FILIP1: variants seen among roughly 807,000 people sequenced by gnomAD.
FILIP1 encodes filamin-A-interacting protein 1.
FILIP1 carries 61 observed loss-of-function variants against 102.1 expected under a neutral mutation model. The observed-to-expected ratio is 0.60, with a 90% CI of 0.49 to 0.74. The LOEUF (loss-of-function observed/expected upper bound fraction) is 0.74, where lower values mean the gene tolerates loss of function less well. Ranked by LOEUF, FILIP1 falls within the 30% of genes least tolerant of loss-of-function variation. The pLI, the probability that FILIP1 is intolerant of heterozygous loss-of-function variation, is 0.00. For missense variants in FILIP1, 1,314 were observed against 1,441.2 expected (o/e 0.91, Z 1.43); for synonymous variants, 491 against 526.9 (o/e 0.93, Z 0.93).
chr6:75,369,979 C>G (rs1393184405), intron 2 of FILIP1, among the ~76,000 whole-genome samples: 2 of 152,212 alleles, frequency 1.3e-5, no homozygotes. Context: ...TGACACCACA[C>G]ACTTTAAAGA....
intron 2 of FILIP1, chr6:75,386,075 C>T (rs1167336641): frequency 6.6e-6 from 1 of 152,180 alleles, no homozygotes; most frequent in African/African-American, 2.4e-5. Context: ...CAAGTTCTCC[C>T]TAGCTTGTTT....
At chr6:75,337,796 G>C (rs1774292428) in intron 4 of FILIP1, among the ~76,000 whole-genome samples, 1 of 152,176 alleles carries the variant, frequency 6.6e-6, no homozygotes, top group African/African-American at 2.4e-5. Context: ...CTTACCGTAT[G>C]TTACAGATTC....
chr6:75,347,367 T>G (rs1312972324), intron 4 of FILIP1, among the ~76,000 whole-genome samples: 1 of 152,258 alleles, frequency 6.6e-6, no homozygotes, highest in Non-Finnish European at 1.5e-5. Flanking sequence ...AAGTTAACTT[T>G]GCTTTTGAAC....
chr6:75,388,519 A>T (rs969914862), intron 2 of FILIP1, among the ~76,000 whole-genome samples: 1 of 152,174 alleles, frequency 6.6e-6, no homozygotes, highest in African/African-American at 2.4e-5. Context: ...TGAGCATGGA[A>T]TGTTTTTCCA....
intron 3 of FILIP1, among the ~76,000 whole-genome samples, chr6:75,359,101 G>A (rs1285634892): frequency 1.3e-5 from 2 of 152,086 alleles, no homozygotes; most frequent in African/African-American, 4.8e-5. Flanking sequence ...GGCCTCCCAG[G>A]TTCAAGTGAT....
intron 2 of FILIP1, among the ~76,000 whole-genome samples, chr6:75,369,403 C>G (rs554852777): frequency 6.6e-6 from 1 of 152,178 alleles, no homozygotes; most frequent in Non-Finnish European, 1.5e-5. Flanking sequence ...ACTGGATATT[C>G]CATAATATTC....
chr6:75,441,340 T>A (rs1054259431), intron 1 of FILIP1, among the ~76,000 whole-genome samples: 2 of 152,204 alleles, frequency 1.3e-5, no homozygotes, highest in Non-Finnish European at 2.9e-5. Flanking sequence ...AAAAGAATTT[T>A]TCTTAGTACA....
chr6:75,312,402 A>C lies in FILIP1; in HGVS notation c.3430T>G (p.Ser1144Ala). 6.2e-7 allele frequency: 1 copy of C among 1,612,810 alleles called. No individual in the cohort carries two copies. The highest frequency in any genetic ancestry group is 8.5e-7 in the Non-Finnish European group (1 of 1,179,312). Reference sequence around the variant, plus strand: ...TTGGAGCCTCTTCTACTCACCACTGACTGGGTTCCTCGAGCAGATGACGTT... The same window carrying C: ...TTGGAGCCTCTTCTACTCACCACTGCCTGGGTTCCTCGAGCAGATGACGTT... ...VTTSSARGTQ[S>A]VSGQDGSSQR... Residue 1144 changes from serine (S) to alanine (A), a missense_variant, in exon 5 of 6, where the codon TCA (serine) becomes GCA (alanine). This residue lies in a region of FILIP1 where 816 missense variants were observed against 913.1 expected (regional missense o/e 0.89). Transcript: ENST00000237172.
At chr6:75,368,160 A>G (rs1775401658) in intron 2 of FILIP1, among the ~76,000 whole-genome samples, 1 of 152,106 alleles carries the variant, frequency 6.6e-6, no homozygotes, top group East Asian at 1.9e-4. Flanking sequence ...GGAGGCCAAG[A>G]ACAAGGATGT....
At chr6:75,427,795 T>G (rs1030167111) in intron 1 of FILIP1, among the ~76,000 whole-genome samples, 1 of 152,170 alleles carries the variant, frequency 6.6e-6, no homozygotes, top group Admixed American at 6.5e-5. Context: ...AGCCCAAACA[T>G]GACCCCTCAT....
At chr6:75,411,053 C>T (rs1777051713) in intron 2 of FILIP1, among the ~76,000 whole-genome samples, 1 of 152,164 alleles carries the variant, frequency 6.6e-6, no homozygotes. Flanking sequence ...TAAGAGCTTT[C>T]CTATTTCTCT....
At chr6:75,453,068 C>G (rs572774495) in intron 1 of FILIP1, among the ~76,000 whole-genome samples, 1 of 152,306 alleles carries the variant, frequency 6.6e-6, no homozygotes, top group African/African-American at 2.4e-5. Flanking sequence ...AGCAGTCTCA[C>G]CATCAGGCTC....
intron 1 of FILIP1, among the ~76,000 whole-genome samples, chr6:75,466,629 G>A (rs1169882540): frequency 6.6e-6 from 1 of 152,144 alleles, no homozygotes; most frequent in Admixed American, 6.5e-5. Context: ...ATTTAATGTA[G>A]TAATCTACAA....
intron 1 of FILIP1, among the ~76,000 whole-genome samples, chr6:75,445,693 A>G (rs900505628): frequency 6.6e-6 from 1 of 152,180 alleles, no homozygotes; most frequent in Non-Finnish European, 1.5e-5. Context: ...TAAATATTGA[A>G]TAAATGAACC....
chr6:75,346,208 A>G (rs1299937325), intron 4 of FILIP1, among the ~76,000 whole-genome samples: 3 of 152,236 alleles, frequency 2.0e-5, no homozygotes, highest in African/African-American at 7.2e-5. Flanking sequence ...TTTTAAAAGA[A>G]AGGAAAATGT....
intron 1 of FILIP1, among the ~76,000 whole-genome samples, chr6:75,466,180 T>C (rs1238336235): frequency 1.3e-5 from 2 of 152,248 alleles, no homozygotes; most frequent in African/African-American, 4.8e-5. Context: ...TCAGCACTTC[T>C]GATTCCCCTT....
intron 1 of FILIP1, among the ~76,000 whole-genome samples, chr6:75,418,295 G>A (rs2149692342): frequency 6.6e-6 from 1 of 152,294 alleles, no homozygotes; most frequent in South Asian, 2.1e-4. Flanking sequence ...AGACACTCTT[G>A]CAACACTCAC....
At chr6:75,418,771 C>T (rs1318527362) in intron 1 of FILIP1, among the ~76,000 whole-genome samples, 1 of 152,124 alleles carries the variant, frequency 6.6e-6, no homozygotes, top group Non-Finnish European at 1.5e-5. Context: ...CGTTTTATAA[C>T]CCTTTTTAAA....
At chr6:75,383,805 G>T (rs1406696987) in intron 2 of FILIP1, among the ~76,000 whole-genome samples, 1 of 152,132 alleles carries the variant, frequency 6.6e-6, no homozygotes. Flanking sequence ...TCTGAGGCAG[G>T]TGCAGAAAAG....
Sources: gnomAD v4.1 joint callset for allele counts (sites outside exome capture counted in the v4.1 genomes callset) on GRCh38, gnomAD v4.1.1 for gene constraint, gnomAD v4.1.1 regional missense constraint, MANE v1.5 for transcripts, NCBI Gene and HGNC (gene_info 2026-07-23, HGNC 2026-07-21) for gene names.